VCL: variants seen among roughly 807,000 people sequenced by gnomAD.
The protein encoded by VCL is epididymis luminal protein 114.
VCL carries 47 observed loss-of-function variants against 125.7 expected under a neutral mutation model. The observed-to-expected ratio is 0.37, with a 90% CI of 0.30 to 0.48. The LOEUF is 0.48. Among genes scored for constraint, VCL ranks in the 20% least tolerant of loss-of-function variants. The probability of loss-of-function intolerance (pLI) is 0.99; values close to 1 mark genes in which losing one functional copy is unlikely to be tolerated. For missense variants in VCL, 1,069 were observed against 1,455.5 expected (o/e 0.73, Z 4.32); for synonymous variants, 458 against 514.6 (o/e 0.89, Z 1.49).
chr10:74,056,039 T>G (rs975301450), intron 2 of VCL, among the ~76,000 whole-genome samples: 2 of 152,138 alleles, frequency 1.3e-5, no homozygotes, highest in Non-Finnish European at 2.9e-5. Context: ...TCCCATTCTT[T>G]CCCAACATGC....
chr10:74,034,817 C>G (rs1465057597), intron 1 of VCL, among the ~76,000 whole-genome samples: 1 of 152,176 alleles, frequency 6.6e-6, no homozygotes, highest in African/African-American at 2.4e-5. Context: ...TTCATCACCA[C>G]CCCAGAAAAA....
chr10:74,056,540 A>T (rs1462423167), intron 2 of VCL, among the ~76,000 whole-genome samples: 2 of 152,168 alleles, frequency 1.3e-5, no homozygotes, highest in East Asian at 3.8e-4. Context: ...GGTCTGTAGG[A>T]TCTTTAAATG....
At position 74,095,826 on chromosome 10, in the gene VCL, C is replaced by T. The variant is rs1839959949; in HGVS notation, c.1714C>T (p.Leu572Phe). 5 of 1,613,928 alleles carry T rather than the reference C, an allele frequency of 3.1e-6. No homozygotes were observed. Among genetic ancestry groups the T allele is most frequent in the African/African-American group, 1.3e-5 (1 of 74,930 alleles). Reference protein sequence around the residue: ...GEGESPQARALASQLQDSLKD... With the variant: ...GEGESPQARAFASQLQDSLKD... ...AGGGGAGAGTCCTCAGGCACGAGCA[C>T]TTGCATCTCAGCTCCAAGACTCCTT... Residue 572 changes from leucine (L) to phenylalanine (F), a missense_variant, in exon 12 of 22, where the codon CTT becomes TTT. Leu to Phe is a conservative substitution (Grantham distance 22). Around this residue, in one of 6 missense-constraint regions of VCL, gnomAD observed 760 missense variants for 928.9 expected, o/e 0.82. Coordinates refer to ENST00000211998, the MANE Select transcript of VCL (RefSeq NM_014000.3).
chr10:74,116,827 G>A (rs1309057159), intron 21 of VCL, among the ~76,000 whole-genome samples: 1 of 152,178 alleles, frequency 6.6e-6, no homozygotes. Flanking sequence ...CTGACCAAGT[G>A]AAAAGAACAA....
At chr10:74,105,420 A>C in intron 16 of VCL, 67 bp downstream of exon 16, 2 of 1,594,102 alleles carry the variant, frequency 1.3e-6, no homozygotes, top group Non-Finnish European at 1.7e-6. Flanking sequence ...TCGTGAGGGA[A>C]TATGTACCCC....
intron 19 of VCL, among the ~76,000 whole-genome samples, chr10:74,113,910 T>C (rs1261421018): frequency 6.6e-6 from 1 of 152,184 alleles, no homozygotes; most frequent in Non-Finnish European, 1.5e-5. Flanking sequence ...TCCTTTTTTT[T>C]AGTCAGGAAA....
chr10:74,103,979 T>G, intron 15 of VCL, 51 bp downstream of exon 15: 1 of 1,577,788 alleles, frequency 6.3e-7, no homozygotes, highest in African/African-American at 1.3e-5. Flanking sequence ...GAATGAGTTC[T>G]GAGAAATTGG....
rs376690719 is a variant in VCL, at chr10:74,114,787, C to G, written c.3154-8C>G. Reference sequence around the variant, plus strand: ...AGAGAAACATACCAAATTAAACTTTCTCTTTAGGTATGTGAGCGAATCCCA... The same window carrying G: ...AGAGAAACATACCAAATTAAACTTTGTCTTTAGGTATGTGAGCGAATCCCA... On this transcript the variant is annotated splice_polypyrimidine_tract_variant and splice_region_variant and intron_variant, in intron 20 of 21. Coordinates refer to ENST00000211998, the MANE Select transcript of VCL (RefSeq NM_014000.3). 2 of 1,597,828 alleles carry G rather than the reference C, an allele frequency of 1.3e-6. No individual in the cohort carries two copies. The highest frequency in any genetic ancestry group is 1.7e-6 in the Non-Finnish European group (2 of 1,172,876).
chr10:74,105,437 A>G, intron 16 of VCL, 84 bp downstream of exon 16: 1 of 1,558,272 alleles, frequency 6.4e-7, no homozygotes, highest in East Asian at 2.2e-5. Context: ...CCCCACAACC[A>G]CCACATACAA....
At chr10:74,120,807 C>A (rs1274699887), downstream of VCL, 1 of 152,248 alleles carries the variant, frequency 6.6e-6, no homozygotes, top group Admixed American at 6.5e-5. Context: ...TGTGATCCAC[C>A]ACGCCCGGCC....
At chr10:74,073,130 G>A (rs925815607) in intron 5 of VCL, among the ~76,000 whole-genome samples, 2 of 151,872 alleles carry the variant, frequency 1.3e-5, no homozygotes, top group Non-Finnish European at 2.9e-5. Context: ...CAGTAGAGAC[G>A]GGGTTTCACC....
intron 1 of VCL, among the ~76,000 whole-genome samples, chr10:74,015,391 A>G (rs1359921269): frequency 1.3e-5 from 2 of 152,084 alleles, no homozygotes; most frequent in South Asian, 4.1e-4. Flanking sequence ...CATCTCTACT[A>G]AAAACACGAA....
chr10:74,068,830 G>C (rs1207807718), intron 2 of VCL, among the ~76,000 whole-genome samples: 1 of 152,136 alleles, frequency 6.6e-6, no homozygotes. Context: ...GGGATGGAAT[G>C]AGTGCATGGA....
rs374784789 is a variant in VCL, at chr10:74,061,049, A to C, written c.240-9621A>C. Among the ~76,000 whole-genome samples the C allele has an allele frequency of 3.3e-5, 5 of 152,298 alleles. No individual in the cohort carries two copies. In the East Asian group the frequency reaches 7.7e-4, roughly 23 times the overall value. ...TTGATTGATTTAAATTATCTAATTA[A>C]ATATTATTAGTATATAGTTAAGATA... On this transcript the variant is annotated intron_variant, in intron 2 of 21. Transcript: ENST00000211998.
chr10:74,102,181 G>A (rs1443062550), intron 14 of VCL, among the ~76,000 whole-genome samples: 1 of 151,588 alleles, frequency 6.6e-6, no homozygotes, highest in Admixed American at 6.6e-5. Context: ...ATCTTAAGAG[G>A]CTACTTTGTT....
chr10:74,070,913 T>C, intron 3 of VCL, 62 bp from the exon 4 acceptor site: 1 of 1,610,558 alleles, frequency 6.2e-7, no homozygotes, highest in Non-Finnish European at 8.5e-7. Flanking sequence ...GCTGCACATC[T>C]GTGTTACCGT....
At chr10:74,044,351 C>CA (rs1199636278) in intron 2 of VCL, among the ~76,000 whole-genome samples, 2 of 150,682 alleles carry the variant, frequency 1.3e-5, no homozygotes, top group Non-Finnish European at 3.0e-5. Flanking sequence ...ATGTGTAGGA[C>CA]AAAAAAAATA....
chr10:74,075,052 T>C (rs1229371318), intron 6 of VCL, 149 bp downstream of exon 6: 2 of 1,045,808 alleles, frequency 1.9e-6, no homozygotes, highest in Admixed American at 2.4e-5. Context: ...TCATTTCTGT[T>C]TCATAGGTTA....
chr10:74,027,295 C>T (rs1351680533), intron 1 of VCL, among the ~76,000 whole-genome samples: 3 of 150,106 alleles, frequency 2.0e-5, no homozygotes, highest in South Asian at 2.1e-4. Flanking sequence ...TTTAGCTTTC[C>T]GTTTTAAATA....
Sources: gnomAD v4.1 joint callset for allele counts (sites outside exome capture counted in the v4.1 genomes callset) on GRCh38, gnomAD v4.1.1 for gene constraint, gnomAD v4.1.1 regional missense constraint, MANE v1.5 for transcripts, NCBI Gene and HGNC (gene_info 2026-07-23, HGNC 2026-07-21) for gene names.